The following GALNT13 variants were observed in gnomAD, a reference collection of about 807,000 sequenced individuals.
GALNT13 encodes the protein UDP-GalNAc:polypeptide N-acetylgalactosaminyltransferase 13.
GALNT13 carries 28 observed loss-of-function variants against 64.2 expected under a neutral mutation model. The ratio of observed to expected loss-of-function variants is 0.44; its 90% CI spans 0.32 to 0.60. The LOEUF is 0.60. Among genes scored for constraint, GALNT13 ranks in the 20% least tolerant of loss-of-function variants. The probability of loss-of-function intolerance (pLI) is 0.05; values close to 1 mark genes in which losing one functional copy is unlikely to be tolerated. For synonymous variants in GALNT13, 214 were observed against 224.6 expected (o/e 0.95, Z 0.42); for missense variants, 577 against 669.8 (o/e 0.86, Z 1.53).
chr2:153,282,886 A>T, the GALNT13 span, among the ~76,000 whole-genome samples: 1 of 151,726 alleles, frequency 6.6e-6, no homozygotes, highest in East Asian at 1.9e-4. Flanking sequence ...AGATGGTGTG[A>T]CTATAGAGGA....
chr2:153,792,232 A>T, the GALNT13 span, among the ~76,000 whole-genome samples: 1 of 152,154 alleles, frequency 6.6e-6, no homozygotes, highest in South Asian at 2.1e-4. Flanking sequence ...CAACCAACTG[A>T]GGATTGAAAA....
At chr2:154,053,932 T>C (rs1404429742) in intron 3 of GALNT13, among the ~76,000 whole-genome samples, 2 of 152,152 alleles carry the variant, frequency 1.3e-5, no homozygotes, top group Non-Finnish European at 2.9e-5. Context: ...AATGGATAGA[T>C]TTTCCTATTA....
intron 4 of GALNT13, among the ~76,000 whole-genome samples, chr2:154,219,787 C>T (rs559029885): frequency 6.6e-6 from 1 of 151,992 alleles, no homozygotes; most frequent in Non-Finnish European, 1.5e-5. Flanking sequence ...ATGAAGAATG[C>T]CAGTCTCCAC....
the GALNT13 span, among the ~76,000 whole-genome samples, chr2:153,710,401 A>T: frequency 6.6e-6 from 1 of 152,132 alleles, no homozygotes; most frequent in Non-Finnish European, 1.5e-5. Flanking sequence ...AGAGTGAAAA[A>T]GTAAAATAAT....
the GALNT13 span, among the ~76,000 whole-genome samples, chr2:153,214,197 A>T: frequency 1.3e-5 from 2 of 152,172 alleles, no homozygotes; most frequent in African/African-American, 4.8e-5. Context: ...GGGTAATGAA[A>T]TGCCCCACAG....
chr2:153,123,678 C>T, the GALNT13 span, among the ~76,000 whole-genome samples: 1,835 of 152,264 alleles, frequency 0.012, 43 homozygotes, highest in African/African-American at 0.042. Flanking sequence ...ATAATAATGA[C>T]TAAATTTCAT....
At chr2:153,758,400 T>G in the GALNT13 span, among the ~76,000 whole-genome samples, 1 of 152,078 alleles carries the variant, frequency 6.6e-6, no homozygotes, top group Non-Finnish European at 1.5e-5. Flanking sequence ...CATTTTGTAA[T>G]ATATTTTGAA....
chr2:154,317,785 G>A (rs1694403806), intron 9 of GALNT13, among the ~76,000 whole-genome samples: 1 of 151,960 alleles, frequency 6.6e-6, no homozygotes, highest in Non-Finnish European at 1.5e-5. Flanking sequence ...AAATTACATA[G>A]TCATTCTACT....
the GALNT13 span, among the ~76,000 whole-genome samples, chr2:153,095,337 A>T: frequency 2.6e-5 from 4 of 152,240 alleles, no homozygotes; most frequent in Non-Finnish European, 5.9e-5. Context: ...AACCACAATG[A>T]GATGCCATCT....
the GALNT13 span, among the ~76,000 whole-genome samples, chr2:153,780,504 T>G: frequency 5.9e-5 from 9 of 152,018 alleles, no homozygotes; most frequent in African/African-American, 2.2e-4. Flanking sequence ...ATCATATTTC[T>G]GGTTCTAAGG....
intron 10 of GALNT13, among the ~76,000 whole-genome samples, chr2:154,403,846 C>A (rs1263768068): frequency 1.3e-5 from 2 of 152,164 alleles, no homozygotes; most frequent in Non-Finnish European, 2.9e-5. Context: ...GCCTCCCTGT[C>A]TGGAAGTCAG....
At chr2:154,168,710 G>A (rs1685179724) in intron 4 of GALNT13, among the ~76,000 whole-genome samples, 1 of 151,484 alleles carries the variant, frequency 6.6e-6, no homozygotes, top group Non-Finnish European at 1.5e-5. Flanking sequence ...AAGCATGGTG[G>A]TGGGTGCCTG....
intron 3 of GALNT13, among the ~76,000 whole-genome samples, chr2:154,136,917 T>C (rs1413572346): frequency 1.3e-5 from 2 of 152,048 alleles, no homozygotes; most frequent in South Asian, 2.1e-4. Context: ...ATTTGCCTAT[T>C]AGAGTAGATA....
upstream of GALNT13, among the ~76,000 whole-genome samples, chr2:153,869,848 G>A (rs984902569): frequency 1.3e-5 from 2 of 151,956 alleles, no homozygotes; most frequent in Non-Finnish European, 2.9e-5. Flanking sequence ...TAACTTCCAT[G>A]GCTAATGAGA....
At chr2:154,049,596 C>T (rs1023235041) in intron 3 of GALNT13, among the ~76,000 whole-genome samples, 1 of 150,380 alleles carries the variant, frequency 6.6e-6, no homozygotes, top group Non-Finnish European at 1.5e-5. Context: ...TCAGGGAATA[C>T]ACCACATATA....
intron 2 of GALNT13, among the ~76,000 whole-genome samples, chr2:153,935,202 T>C (rs1450912458): frequency 6.6e-6 from 1 of 152,146 alleles, no homozygotes; most frequent in African/African-American, 2.4e-5. Flanking sequence ...AGCCAAACTG[T>C]GGTAGTCTAA....
the GALNT13 span, among the ~76,000 whole-genome samples, chr2:153,794,374 ATTATTAG>A: frequency 6.6e-6 from 1 of 152,124 alleles, no homozygotes; most frequent in East Asian, 1.9e-4. Flanking sequence ...GAGTTAATTT[ATTATTAG>A]TTATTCAGAA....
At chr2:154,194,227 T>C (rs1033709070) in intron 4 of GALNT13, among the ~76,000 whole-genome samples, 1 of 152,172 alleles carries the variant, frequency 6.6e-6, no homozygotes. Flanking sequence ...ATAATTCTAA[T>C]TGGTGTCCAG....
chr2:154,450,539 C>T lies in GALNT13; in HGVS notation c.1659C>T (p.Thr553=). The T allele has an allele frequency of 6.2e-7, 1 of 1,603,994 alleles. No individual in the cohort carries two copies. The highest frequency in any genetic ancestry group is 8.5e-7 in the Non-Finnish European group (1 of 1,176,658). ...RSQQWLLRNM[T]LGT is the part of the protein sequence containing the mutation. ...AACAGTGGCTGCTAAGGAACATGAC[C>T]TTGGGCACATGAAGATCATGTCCTC... Residue 553 remains threonine, a synonymous_variant, in exon 13 of 13, where the codon ACC becomes ACT. Coordinates refer to ENST00000392825, the MANE Select transcript of GALNT13 (RefSeq NM_052917.4).
Sources: gnomAD v4.1 joint callset for allele counts (sites outside exome capture counted in the v4.1 genomes callset) on GRCh38, gnomAD v4.1.1 for gene constraint, MANE v1.5 for transcripts, NCBI Gene and HGNC (gene_info 2026-07-23, HGNC 2026-07-21) for gene names.